The following PLCG2 variants were observed in gnomAD, a reference collection of about 807,000 sequenced individuals.
PLCG2 encodes the protein phospholipase C gamma 2.
Under a neutral mutation model 175.6 loss-of-function variants are expected in PLCG2, and 69 were observed. That is an observed-to-expected ratio of 0.39 (90% CI 0.32 to 0.48). The LOEUF (loss-of-function observed/expected upper bound fraction) is 0.48. PLCG2 is among the 20% of genes least tolerant of loss of function. The probability of loss-of-function intolerance (pLI) is 0.91; values close to 1 mark genes in which losing one functional copy is unlikely to be tolerated. For synonymous variants in PLCG2, 827 were observed against 624.0 expected, an observed-to-expected ratio of 1.33 and a Z score of -4.85; for missense variants, 1,798 against 1,650.9, an observed-to-expected ratio of 1.09 and a Z score of -1.54.
intron 2 of PLCG2, 121 bp downstream of exon 2, chr16:81,786,303 G>C (rs139488059): frequency 3.7e-6 from 3 of 810,384 alleles, no homozygotes; most frequent in African/African-American, 3.5e-5. Context: ...TCTTTTATTC[G>C]TCTTAAAATG....
intron 2 of PLCG2, among the ~76,000 whole-genome samples, chr16:81,805,653 C>A (rs1470285502): frequency 6.6e-6 from 1 of 151,998 alleles, no homozygotes; most frequent in Admixed American, 6.6e-5. Context: ...CAATGCTTTG[C>A]CATCCATGTC....
intron 2 of PLCG2, among the ~76,000 whole-genome samples, chr16:81,804,528 A>G (rs144222732): frequency 6.1e-4 from 93 of 152,346 alleles, no homozygotes; most frequent in Admixed American, 9.8e-4. Flanking sequence ...GTCAAGAATC[A>G]TACATTTTAA....
At chr16:81,818,883 A>ATTTTTTTTTTTTTTTTTTTTT (rs57346304) in intron 2 of PLCG2, among the ~76,000 whole-genome samples, 4 of 106,644 alleles carry the variant, frequency 3.8e-5, no homozygotes, top group African/African-American at 1.6e-4. Context: ...GGGCTCATGG[A>ATTTTTTTTTTTTTTTTTTTTT]TTTTTTTTTT....
At chr16:81,877,823 GATGTCATTGCATCGCTCCTTGGCTTGTA>G in intron 7 of PLCG2, among the ~76,000 whole-genome samples, 1 of 151,588 alleles carries the variant, frequency 6.6e-6, no homozygotes, top group Middle Eastern at 3.2e-3. Flanking sequence ...TTGGCTTGTA[GATGTCATTGCATCGCTCCTTGGCTTGTA>G]GATGTCATTG....
At chr16:81,787,853 T>G (rs939450637) in intron 2 of PLCG2, among the ~76,000 whole-genome samples, 2 of 152,208 alleles carry the variant, frequency 1.3e-5, no homozygotes, top group African/African-American at 4.8e-5. Flanking sequence ...ACTGGCTTCT[T>G]TGACTCAGCA....
chr16:81,750,663 A>ATTTGTTTTTT (rs1909790978), intron 1 of PLCG2, among the ~76,000 whole-genome samples: 1 of 68,446 alleles, frequency 1.5e-5, no homozygotes, highest in Non-Finnish European at 2.6e-5. Flanking sequence ...GGGACTGGAG[A>ATTTGTTTTTT]TTTTTTTTTT....
chr16:81,902,580 C>G (rs1909196334), intron 14 of PLCG2, among the ~76,000 whole-genome samples: 1 of 152,086 alleles, frequency 6.6e-6, no homozygotes, highest in Non-Finnish European at 1.5e-5. Flanking sequence ...GAGCTCTACC[C>G]TCATTCCCAT....
intron 29 of PLCG2, 115 bp from the exon 30 acceptor site, chr16:81,939,777 T>C (rs2143736531): frequency 1.5e-6 from 1 of 682,968 alleles, no homozygotes; most frequent in Non-Finnish European, 2.6e-6. Context: ...TTGGCATAGA[T>C]GCATATTTAT....
chr16:81,917,266 A>G (rs1396131945), intron 19 of PLCG2, among the ~76,000 whole-genome samples: 3 of 141,566 alleles, frequency 2.1e-5, no homozygotes, highest in African/African-American at 7.9e-5. Flanking sequence ...GTATTCCATT[A>G]TGTAAATGTA....
At chr16:81,740,802 C>T (rs1448803799) in intron 1 of PLCG2, among the ~76,000 whole-genome samples, 1 of 146,414 alleles carries the variant, frequency 6.8e-6, no homozygotes, top group Non-Finnish European at 1.5e-5. Flanking sequence ...CCTCTTCCCA[C>T]TGTGGGTGCA....
At chr16:81,768,302 C>G (rs1022625025) in intron 2 of PLCG2, among the ~76,000 whole-genome samples, 8 of 152,310 alleles carry the variant, frequency 5.3e-5, no homozygotes, top group Admixed American at 2.6e-4. Flanking sequence ...TATCCAGTCA[C>G]AAATGAAGGA....
intron 7 of PLCG2, among the ~76,000 whole-genome samples, chr16:81,877,915 C>G (rs1230638212): frequency 6.6e-6 from 1 of 151,000 alleles, no homozygotes; most frequent in South Asian, 2.1e-4. Flanking sequence ...TCCATCATCA[C>G]ATGGACCCCT....
rs906055280 is a variant in PLCG2, at chr16:81,962,286, T to C, written c.*4288T>C. ...AGCTTAACCTTCAACCTGTGTGACATTTAACTTTTTGAACCCAACCGTAAA... is the reference window on the plus strand; with the variant it reads ...AGCTTAACCTTCAACCTGTGTGACACTTAACTTTTTGAACCCAACCGTAAA... On this transcript the variant is annotated 3_prime_UTR_variant, in exon 33 of 33. Coordinates refer to ENST00000564138, the MANE Select transcript of PLCG2 (RefSeq NM_002661.5). 11 of 198,274 alleles carry C rather than the reference T, an allele frequency of 5.5e-5. No homozygotes were observed. The highest frequency in any genetic ancestry group is 1.0e-4 in the Non-Finnish European group (10 of 95,960). The allele number at this position is 198,274 out of a possible 1,614,324, so 12.3% of individuals were successfully genotyped here. A position where few individuals can be genotyped will look rare whatever the true frequency, so the allele number is the denominator to read the frequency against.
chr16:81,748,487 C>G (rs1010847509), intron 1 of PLCG2, among the ~76,000 whole-genome samples: 1 of 151,334 alleles, frequency 6.6e-6, no homozygotes, highest in Non-Finnish European at 1.5e-5. Flanking sequence ...AAGACTGAGT[C>G]TGAAAGGAGA....
At chr16:81,793,619 CAAACAT>C (rs1387956568) in intron 2 of PLCG2, among the ~76,000 whole-genome samples, 1 of 152,194 alleles carries the variant, frequency 6.6e-6, no homozygotes, top group Non-Finnish European at 1.5e-5. Context: ...GACGGATTCT[CAAACAT>C]ATGAGCTGTC....
chr16:81,815,476 C>G (rs970311038), intron 2 of PLCG2, among the ~76,000 whole-genome samples: 3 of 152,220 alleles, frequency 2.0e-5, no homozygotes, highest in African/African-American at 7.2e-5. Flanking sequence ...TAGAGGCTTC[C>G]TCATTTGCAT....
chr16:81,854,924 A>G (rs1039874739), intron 3 of PLCG2, among the ~76,000 whole-genome samples: 1 of 152,142 alleles, frequency 6.6e-6, no homozygotes. Context: ...GCTCTGTTGG[A>G]TGAAAAATGT....
chr16:81,947,976 C>T (rs535983418), intron 31 of PLCG2, among the ~76,000 whole-genome samples: 27 of 152,238 alleles, frequency 1.8e-4, no homozygotes, highest in South Asian at 8.3e-4. Context: ...ACTTCACAGA[C>T]GACTTTAAAT....
At chr16:81,877,267 A>T (rs1411596517) in intron 7 of PLCG2, among the ~76,000 whole-genome samples, 1 of 152,194 alleles carries the variant, frequency 6.6e-6, no homozygotes, top group East Asian at 1.9e-4. Flanking sequence ...ATCCTGGCTG[A>T]CACGGTGAAA....
Sources: gnomAD v4.1 joint callset for allele counts (sites outside exome capture counted in the v4.1 genomes callset) on GRCh38, gnomAD v4.1.1 for gene constraint, MANE v1.5 for transcripts, NCBI Gene and HGNC (gene_info 2026-07-23, HGNC 2026-07-21) for gene names.